Variants in FANCI observed in about 807,000 individuals in gnomAD.
FANCI encodes Fanconi anemia group I protein.
In FANCI, 156 loss-of-function variants were observed where a neutral mutation model predicts 176.1. That is an observed-to-expected ratio of 0.89 (90% CI 0.78 to 1.01). The LOEUF (loss-of-function observed/expected upper bound fraction) is 1.01. Ranked by LOEUF, FANCI falls within the 50% of genes least tolerant of loss-of-function variation. FANCI has a pLI of 0.00. For missense variants in FANCI, 1,678 were observed against 1,534.1 expected, an observed-to-expected ratio of 1.09 and a Z score of -1.57; for synonymous variants, 613 against 541.7, an observed-to-expected ratio of 1.13 and a Z score of -1.83.
chr15:89,312,691 G>A (rs899288381), intron 34 of FANCI, among the ~76,000 whole-genome samples: 3 of 151,932 alleles, frequency 2.0e-5, no homozygotes, highest in Admixed American at 6.6e-5. Flanking sequence ...GTGGTGGCAC[G>A]TGCCTGTAGT....
intron 19 of FANCI, among the ~76,000 whole-genome samples, chr15:89,290,972 A>G (rs1286382215): frequency 2.6e-5 from 4 of 152,206 alleles, no homozygotes; most frequent in Non-Finnish European, 4.4e-5. Context: ...GCTATATTGT[A>G]TCTTTCAAAC....
At chr15:89,313,944 C>A in intron 35 of FANCI, among the ~76,000 whole-genome samples, 1 of 140,334 alleles carries the variant, frequency 7.1e-6, no homozygotes. Flanking sequence ...CTACAAATTA[C>A]AATTCACGTT....
At chr15:89,307,579 G>A (rs2054773475) in intron 33 of FANCI, 34 bp from the exon 34 acceptor site, 3 of 1,614,188 alleles carry the variant, frequency 1.9e-6, no homozygotes, top group Non-Finnish European at 2.5e-6. Context: ...TTTTACTGCT[G>A]GTTACATTGG....
At chr15:89,288,303 C>G (rs1341271372) in intron 18 of FANCI, among the ~76,000 whole-genome samples, 3 of 152,236 alleles carry the variant, frequency 2.0e-5, no homozygotes, top group East Asian at 3.9e-4. Context: ...CATGTGTTAA[C>G]TCTTGTGCAG....
chr15:89,298,922 C>G (rs929619216), intron 24 of FANCI, among the ~76,000 whole-genome samples: 2 of 152,144 alleles, frequency 1.3e-5, no homozygotes, highest in African/African-American at 4.8e-5. Flanking sequence ...GTAATCCCAG[C>G]ACTTTTGGGA....
At chr15:89,311,400 C>T (rs574824769) in intron 34 of FANCI, among the ~76,000 whole-genome samples, 2 of 152,308 alleles carry the variant, frequency 1.3e-5, no homozygotes, top group African/African-American at 4.8e-5. Flanking sequence ...GCCTGGGCGA[C>T]AGAGTGAAAC....
chr15:89,281,171 C>T lies in FANCI; in HGVS notation c.1383C>T (p.Asp461=). The T allele has an allele frequency of 6.2e-7, 1 of 1,613,280 alleles. No individual in the cohort carries two copies. Among genetic ancestry groups the T allele is most frequent in the South Asian group, 1.1e-5 (1 of 91,050 alleles). The change falls in exon 15 of 38, where the codon GAC becomes GAT. Residue 461 remains aspartate (D), a splice_region_variant and synonymous_variant. Transcript: ENST00000310775. ...RASSPISHFL[D]LLSNIVMYAP... ...CTGATTATAGATTCTGTTTTTCAGA[C>T]CTGCTTTCAAATATCGTCATGTATG...
chr15:89,250,751 A>G (rs1252903782), intron 2 of FANCI, among the ~76,000 whole-genome samples: 3 of 151,028 alleles, frequency 2.0e-5, no homozygotes, highest in South Asian at 2.1e-4. Context: ...TCTTGGAGGA[A>G]AAGAGATACA....
intron 17 of FANCI, 118 bp from the exon 18 acceptor site, chr15:89,284,978 C>CT (rs2053759587): frequency 1.8e-6 from 2 of 1,129,918 alleles, no homozygotes; most frequent in Admixed American, 3.4e-5. Context: ...TGTCTCACCC[C>CT]TGGGGTTTGG....
At position 89,262,609 on chromosome 15, in the gene FANCI, C is replaced by G. The variant is rs76100573; in HGVS notation, c.503+731C>G. Among the ~76,000 whole-genome samples the G allele has an allele frequency of 5.7e-3, 875 of 152,274 alleles. 2 individuals are homozygous for G. Among genetic ancestry groups the G allele is most frequent in the African/African-American group, 0.02 (820 of 41,558 alleles). On this transcript the variant is annotated intron_variant, in intron 6 of 37. Transcript: ENST00000310775. ...AAGGGAATACCCAAGATTATCTAAACCAGAGATAATTGCTTTTATGGTTCC... is the reference window on the plus strand; with the variant it reads ...AAGGGAATACCCAAGATTATCTAAAGCAGAGATAATTGCTTTTATGGTTCC...
chr15:89,295,948 T>C (rs1309273713), intron 24 of FANCI, among the ~76,000 whole-genome samples: 1 of 152,036 alleles, frequency 6.6e-6, no homozygotes, highest in Non-Finnish European at 1.5e-5. Context: ...TACTTTTTAA[T>C]TTTTAATTTT....
intron 7 of FANCI, 55 bp downstream of exon 7, chr15:89,263,515 C>A: frequency 7.0e-7 from 1 of 1,430,842 alleles, no homozygotes; most frequent in Non-Finnish European, 9.9e-7. Flanking sequence ...AACTTACTTG[C>A]TAGAAATTAA....
chr15:89,316,689 T>C lies in FANCI; in HGVS notation c.*230T>C. ...AAAAAGCACAGCTGAAAGCCTGAGT[T>C]TGGGAGCCTGCACCACCCCGATGAA... On this transcript the variant is annotated 3_prime_UTR_variant, in exon 38 of 38. Transcript: ENST00000310775. 4.3e-6 allele frequency: 6 copies of C among 1,390,618 alleles called. No homozygotes were observed. Among genetic ancestry groups the C allele is most frequent in the Non-Finnish European group, 6.1e-6 (6 of 982,560 alleles). 86.1% of individuals were successfully genotyped at this position (1,390,618 alleles called of 1,614,324 possible).
chr15:89,291,610 C>T lies in FANCI; in HGVS notation c.1891-3C>T, dbSNP rs371578898. ...GATGTCTTTTTTTTCTTACTATACA[C>T]AGTTAAAACAGTTCTATGAGCCAAA... On this transcript the variant is annotated splice_polypyrimidine_tract_variant and splice_region_variant and intron_variant, in intron 19 of 37. Transcript: ENST00000310775. 2.6e-5 allele frequency: 42 copies of T among 1,611,510 alleles called. No individual in the cohort carries two copies. The highest frequency in any genetic ancestry group is 1.3e-5 in the African/African-American group (1 of 74,844).
intron 25 of FANCI, 47 bp from the exon 26 acceptor site, chr15:89,300,253 G>C (rs753315134): frequency 5.1e-6 from 8 of 1,576,774 alleles, no homozygotes; most frequent in Non-Finnish European, 7.0e-6. Context: ...AGGCCAAAAA[G>C]TATGAGTTTA....
At chr15:89,283,757 T>C (rs973036397) in intron 17 of FANCI, among the ~76,000 whole-genome samples, 1 of 151,358 alleles carries the variant, frequency 6.6e-6, no homozygotes, top group South Asian at 2.1e-4. Flanking sequence ...TTATATTTCT[T>C]TCTTTTTTTT....
rs1184166680 is a variant in FANCI, at chr15:89,273,419, A to G, written c.925A>G (p.Ser309Gly). The G allele has an allele frequency of 6.2e-7, 1 of 1,609,412 alleles. No individual in the cohort carries two copies. The highest frequency in any genetic ancestry group is 1.7e-5 in the Admixed American group (1 of 59,806). ...TTCCAATAATAACTTAAGTCCCTTCAGCATTGCTCTTCTTCTGTCTGTAAC... is the reference window on the plus strand; with the variant it reads ...TTCCAATAATAACTTAAGTCCCTTCGGCATTGCTCTTCTTCTGTCTGTAAC... ...GDSNNNLSPF[S>G]IALLLSVTRI... Residue 309 changes from serine (S) to glycine (G), a missense_variant, in exon 11 of 38, where the codon AGC becomes GGC. Around this residue, in one of 3 missense-constraint regions of FANCI, gnomAD observed 469 missense variants for 436.9 expected, o/e 1.07. Coordinates refer to ENST00000310775, the MANE Select transcript of FANCI (RefSeq NM_001113378.2).
Position 89,275,013 on chromosome 15 carries a change from T to A in FANCI, c.1112+709T>A, listed in dbSNP as rs535819826. 8.6e-4 allele frequency among the ~76,000 whole-genome samples: 131 copies of A among 151,632 alleles called. 1 individual carries two copies. The highest frequency in any genetic ancestry group is 3.1e-3 in the African/African-American group (128 of 41,394). On this transcript the variant is annotated intron_variant, in intron 12 of 37. Coordinates refer to ENST00000310775, the MANE Select transcript of FANCI (RefSeq NM_001113378.2). ...ACGGTAAAGCCTCAAACTCCTGGCC[T>A]CAAGTGATGCTCCCACCTCAGTAGC... is the stretch of plus-strand genomic sequence containing the variant.
rs768059740 is a variant in FANCI at position 89,268,545 on chromosome 15, G to A, written c.882+20G>A. On this transcript the variant is annotated intron_variant, in intron 10 of 37. Coordinates refer to ENST00000310775, the MANE Select transcript of FANCI (RefSeq NM_001113378.2). ...TTAAAGGTAGCATCAAACTTGTAAG[G>A]TGATCTGGGTCTCTTTTGAATGAAA... 7 of 1,613,726 alleles carry A rather than the reference G, an allele frequency of 4.3e-6. No homozygotes were observed. The South Asian group carries it at 4.4e-5, about 10-fold the overall frequency.
Sources: gnomAD v4.1 joint callset for allele counts (sites outside exome capture counted in the v4.1 genomes callset) on GRCh38, gnomAD v4.1.1 for gene constraint, gnomAD v4.1.1 regional missense constraint, MANE v1.5 for transcripts, NCBI Gene and HGNC (gene_info 2026-07-23, HGNC 2026-07-21) for gene names.